The following DYTN variants were observed in gnomAD, a reference collection of about 807,000 sequenced individuals.
DYTN encodes the protein dystrotelin.
DYTN carries 75 observed loss-of-function variants against 69.6 expected under a neutral mutation model. The ratio of observed to expected loss-of-function variants is 1.08; its 90% CI spans 0.89 to 1.31. The LOEUF is 1.31. Ranked by LOEUF, DYTN falls within the 50% of genes most tolerant of loss-of-function variation. The pLI is 0.00. For missense variants in DYTN, 726 were observed against 688.4 expected, an observed-to-expected ratio of 1.05 and a Z score of -0.61; for synonymous variants, 252 against 249.1, an observed-to-expected ratio of 1.01 and a Z score of -0.11.
chr2:206,679,313 T>C (rs1440480214), intron 9 of DYTN: 2 of 152,228 alleles, frequency 1.3e-5, no homozygotes, highest in East Asian at 1.9e-4. Flanking sequence ...GGCCAACTTT[T>C]CTCTCTGTGT....
intron 2 of DYTN, among the ~76,000 whole-genome samples, chr2:206,710,130 G>A (rs1700066141): frequency 6.6e-6 from 1 of 152,094 alleles, no homozygotes; most frequent in South Asian, 2.1e-4. Flanking sequence ...ATCTTACGTG[G>A]TAGATGGAAT....
intron 8 of DYTN, 60 bp from the exon 9 acceptor site, chr2:206,693,383 C>A (rs1699886079): frequency 6.4e-7 from 1 of 1,553,638 alleles, no homozygotes; most frequent in African/African-American, 1.4e-5. Context: ...GGTCTTCCTT[C>A]CTTACTTGGA....
At chr2:206,668,024 G>C (rs1699592515) in intron 9 of DYTN, among the ~76,000 whole-genome samples, 1 of 152,172 alleles carries the variant, frequency 6.6e-6, no homozygotes, top group African/African-American at 2.4e-5. Flanking sequence ...AGGTGAAACA[G>C]GAGTCTGACT....
Position 206,651,896 on chromosome 2 carries a change from G to T in DYTN, c.1659C>A (p.Asp553Glu). The change falls in exon 12 of 12, where the codon GAC becomes GAA. Residue 553 changes from aspartate to glutamate, a missense_variant. By Grantham distance (45) the Asp-to-Glu change is conservative. Transcript: ENST00000452335. The part of the protein sequence containing the change: ...PSGPESSVNM[D>E]LYSGAQRVCR... ...ACACTCGCTGAGCTCCACTGTACAG[G>T]TCCATGTTTACTGAAGACTCCGGGC... The T allele has an allele frequency of 6.2e-7, 1 of 1,613,274 alleles. No individual in the cohort carries two copies. The highest frequency in any genetic ancestry group is 8.5e-7 in the Non-Finnish European group (1 of 1,179,472).
intron 9 of DYTN, among the ~76,000 whole-genome samples, chr2:206,678,121 T>C (rs1699710182): frequency 6.6e-6 from 1 of 152,168 alleles, no homozygotes; most frequent in African/African-American, 2.4e-5. Flanking sequence ...TTTAAATACA[T>C]TGGTAAATCA....
intron 9 of DYTN, among the ~76,000 whole-genome samples, chr2:206,682,923 A>G (rs2105894326): frequency 6.6e-6 from 1 of 152,306 alleles, no homozygotes; most frequent in South Asian, 2.1e-4. Context: ...TCTAAGGATG[A>G]GAATATAAGT....
chr2:206,657,042 G>A (rs1263986877), intron 11 of DYTN, among the ~76,000 whole-genome samples: 3 of 152,026 alleles, frequency 2.0e-5, no homozygotes, highest in Non-Finnish European at 2.9e-5. Context: ...GATTATAGTC[G>A]TGAGCCATCT....
At position 206,675,104 on chromosome 2, in the gene DYTN, CAT is replaced by C. The variant is rs1292459221; in HGVS notation, c.981-9077_981-9076del. On this transcript the variant is annotated intron_variant, in intron 9 of 11. Coordinates refer to ENST00000452335, the MANE Select transcript of DYTN (RefSeq NM_001093730.1). ...GGTTTAAATATTGGAGGGGAAAAAA[CAT>C]ATATATATATGTGTGTGTGTGTGTG... 1.1e-3 allele frequency among the ~76,000 whole-genome samples: 149 copies of C among 134,806 alleles called. 2 individuals carry two copies. The highest frequency in any genetic ancestry group is 1.6e-3 in the Admixed American group (20 of 12,868). The allele number at this position is 134,806 out of a possible 152,430, so 88.4% of individuals were successfully genotyped here.
At chr2:206,708,573 C>A (rs770180753) in intron 2 of DYTN, among the ~76,000 whole-genome samples, 1 of 152,174 alleles carries the variant, frequency 6.6e-6, no homozygotes. Flanking sequence ...ACTCTTTTAT[C>A]GTTAAAACCT....
intron 2 of DYTN, 69 bp from the exon 3 acceptor site, chr2:206,707,572 T>C: frequency 6.9e-7 from 1 of 1,446,116 alleles, no homozygotes; most frequent in African/African-American, 1.4e-5. Flanking sequence ...ATAAAGCAAA[T>C]GTCATTTGGT....
At chr2:206,674,313 TA>T (rs1699659743) in intron 9 of DYTN, among the ~76,000 whole-genome samples, 1 of 151,758 alleles carries the variant, frequency 6.6e-6, no homozygotes, top group Admixed American at 6.5e-5. Context: ...ATGATACACT[TA>T]AAATATTTTT....
chr2:206,694,687 T>A, intron 8 of DYTN, 79 bp downstream of exon 8: 3 of 1,181,406 alleles, frequency 2.5e-6, no homozygotes, highest in South Asian at 1.9e-5. Flanking sequence ...GTGGTTTCAC[T>A]GGAGGGAAGG....
At chr2:206,680,730 C>G (rs914988589) in intron 9 of DYTN, among the ~76,000 whole-genome samples, 1 of 152,026 alleles carries the variant, frequency 6.6e-6, no homozygotes, top group Non-Finnish European at 1.5e-5. Context: ...TAATAAATAC[C>G]CTATTCTAAA....
chr2:206,673,343 C>T (rs912695567), intron 9 of DYTN, among the ~76,000 whole-genome samples: 2 of 152,112 alleles, frequency 1.3e-5, no homozygotes, highest in Non-Finnish European at 2.9e-5. Flanking sequence ...CTGCAACCTC[C>T]TCCTTCTGGG....
Position 206,707,466 on chromosome 2 carries a change from T to C in DYTN, c.132A>G (p.Leu44=), listed in dbSNP as rs1185454917. ...LIDSSLIQQV[L]LRPSFWEARK... Reference sequence around the variant, plus strand: ...GAGCTTCCCAGAAACTTGGACGCAGTAGGACCTGCTGAATCAGGGAGCTGT... The same window carrying C: ...GAGCTTCCCAGAAACTTGGACGCAGCAGGACCTGCTGAATCAGGGAGCTGT... The change falls in exon 3 of 12, where the codon CTA becomes CTG. Residue 44 remains leucine (L), a synonymous_variant. Coordinates refer to ENST00000452335, the MANE Select transcript of DYTN (RefSeq NM_001093730.1). 1 of 1,612,062 alleles carries C rather than the reference T, an allele frequency of 6.2e-7. No homozygotes were observed. The highest frequency in any genetic ancestry group is 1.3e-5 in the African/African-American group (1 of 75,014).
chr2:206,705,647 A>G (rs1335629909), intron 4 of DYTN, 141 bp downstream of exon 4: 8 of 671,260 alleles, frequency 1.2e-5, no homozygotes, highest in Non-Finnish European at 1.9e-5. Context: ...AAGTCCTCAA[A>G]TAGTAAATAT....
chr2:206,675,510 G>C (rs1699677450), intron 9 of DYTN, among the ~76,000 whole-genome samples: 1 of 151,476 alleles, frequency 6.6e-6, no homozygotes, highest in Non-Finnish European at 1.5e-5. Flanking sequence ...AATACAGTGG[G>C]AAAAGCCCCT....
chr2:206,710,286 T>A (rs1286015146), intron 2 of DYTN, among the ~76,000 whole-genome samples: 2 of 152,190 alleles, frequency 1.3e-5, no homozygotes, highest in African/African-American at 4.8e-5. Context: ...TTTAAAAAAT[T>A]AAAAATCCTC....
intron 4 of DYTN, 126 bp downstream of exon 4, chr2:206,705,662 A>G (rs1700017823): frequency 2.7e-6 from 2 of 736,320 alleles, no homozygotes; most frequent in Non-Finnish European, 2.1e-6. Flanking sequence ...AAATATTTTT[A>G]TTTAATAAAC....
Sources: allele counts gnomAD v4.1 joint callset (sites outside exome capture counted in the v4.1 genomes callset), GRCh38; gene constraint gnomAD v4.1.1; transcripts MANE v1.5; gene names NCBI Gene and HGNC (gene_info 2026-07-23, HGNC 2026-07-21).